Variants in CEP63 observed in about 807,000 individuals in gnomAD.
The protein encoded by CEP63 is centrosomal protein of 63 kDa.
A neutral mutation model predicts 89.1 loss-of-function variants in CEP63; 84 were observed. The observed-to-expected ratio is 0.94, with a 90% CI of 0.79 to 1.13. The LOEUF (loss-of-function observed/expected upper bound fraction) is 1.13, where lower values mean the gene tolerates loss of function less well. Ranked by LOEUF, CEP63 falls within the 50% of genes most tolerant of loss-of-function variation. CEP63 has a pLI of 0.00. For synonymous variants in CEP63, 267 were observed against 272.5 expected (o/e 0.98, Z 0.20); for missense variants, 838 against 813.3 (o/e 1.03, Z -0.37).
chr3:134,720,035 T>C, the CEP63 span, among the ~76,000 whole-genome samples: 1 of 152,178 alleles, frequency 6.6e-6, no homozygotes, highest in Non-Finnish European at 1.5e-5. Context: ...TTTATCGTTT[T>C]GAGGAACAAA....
chr3:134,699,442 G>A, the CEP63 span, among the ~76,000 whole-genome samples: 1 of 152,208 alleles, frequency 6.6e-6, no homozygotes, highest in Non-Finnish European at 1.5e-5. Flanking sequence ...CAAGCGGCTA[G>A]CCTTGGGCAA....
At chr3:134,510,660 C>G (rs1944635289) in intron 3 of CEP63, 3 of 639,640 alleles carry the variant, frequency 4.7e-6, no homozygotes, top group Non-Finnish European at 8.7e-6. Flanking sequence ...TCCCTTCTTG[C>G]ATTTCTGGAG....
the CEP63 span, among the ~76,000 whole-genome samples, chr3:134,594,798 C>T: frequency 3.9e-5 from 6 of 152,342 alleles, no homozygotes; most frequent in East Asian, 9.6e-4. Flanking sequence ...TTACTGATCA[C>T]TTATTCTAAA....
At chr3:134,671,447 C>T in the CEP63 span, among the ~76,000 whole-genome samples, 1 of 152,044 alleles carries the variant, frequency 6.6e-6, no homozygotes, top group African/African-American at 2.4e-5. Context: ...CTGCAATATA[C>T]CCATGTAACA....
At chr3:134,560,716 C>G (rs1041630203) in intron 14 of CEP63, among the ~76,000 whole-genome samples, 2 of 152,002 alleles carry the variant, frequency 1.3e-5, no homozygotes, top group African/African-American at 4.8e-5. Flanking sequence ...GGATTATGCT[C>G]TCTGTGTGGG....
chr3:134,622,219 C>T, the CEP63 span, among the ~76,000 whole-genome samples: 1 of 152,080 alleles, frequency 6.6e-6, no homozygotes, highest in Non-Finnish European at 1.5e-5. Flanking sequence ...AGGTACGCAA[C>T]CAAAAAAACC....
the CEP63 span, among the ~76,000 whole-genome samples, chr3:134,638,907 GGT>G: frequency 0.61 from 92,642 of 151,720 alleles, 28,877 homozygotes; most frequent in East Asian, 0.85. Context: ...AAGACTGTCA[GGT>G]GTGTGTGTGT....
chr3:134,564,432 C>T lies in CEP63; in HGVS notation c.*2897C>T, dbSNP rs1217168409. 1 of 985,354 alleles carries T rather than the reference C, an allele frequency of 1.0e-6. No individual in the cohort carries two copies. 61.0% of individuals were successfully genotyped at this position (985,354 alleles called of 1,614,324 possible). On this transcript the variant is annotated 3_prime_UTR_variant, in exon 15 of 15. Coordinates refer to ENST00000675561, the MANE Select transcript of CEP63 (RefSeq NM_001353108.3). ...ACCCATGTCAGGGAACGTTTCTCCT[C>T]ATTGCTGTCATGGCACCCTGTGTGT...
the CEP63 span, among the ~76,000 whole-genome samples, chr3:134,668,682 C>T: frequency 1.3e-5 from 2 of 152,162 alleles, no homozygotes; most frequent in Non-Finnish European, 2.9e-5. Flanking sequence ...GATAAAATCA[C>T]TTATATTTTT....
At chr3:134,694,873 C>T in the CEP63 span, among the ~76,000 whole-genome samples, 2 of 152,112 alleles carry the variant, frequency 1.3e-5, no homozygotes, top group Non-Finnish European at 2.9e-5. Context: ...GAGAACCAAG[C>T]GTTTGCTGTG....
At chr3:134,649,766 C>T in the CEP63 span, among the ~76,000 whole-genome samples, 1 of 152,206 alleles carries the variant, frequency 6.6e-6, no homozygotes, top group Admixed American at 6.5e-5. Flanking sequence ...CTGGTAGTGG[C>T]AAGGCCATCC....
At chr3:134,558,890 A>T (rs1956791196) in intron 13 of CEP63, among the ~76,000 whole-genome samples, 1 of 152,134 alleles carries the variant, frequency 6.6e-6, no homozygotes, top group Non-Finnish European at 1.5e-5. Flanking sequence ...TCCCAGCACT[A>T]ACCACACTAG....
At chr3:134,683,293 C>G in the CEP63 span, among the ~76,000 whole-genome samples, 1 of 152,102 alleles carries the variant, frequency 6.6e-6, no homozygotes, top group East Asian at 1.9e-4. Flanking sequence ...AGTTTTGTAT[C>G]TAATTCTGTG....
Position 134,546,451 on chromosome 3 carries a change from G to C in CEP63, c.929+163G>C, listed in dbSNP as rs111445863. Among the ~76,000 whole-genome samples, 252 of 152,078 alleles carry C rather than the reference G, an allele frequency of 1.7e-3. 1 individual carries two copies. Among genetic ancestry groups the C allele is most frequent in the African/African-American group, 5.9e-3 (243 of 41,464 alleles). ...TCAGCTCACTGCAACCTCAACCTCC[G>C]AGGTTCAAGCCATTCTCCAGGCTCA... is the stretch of plus-strand genomic sequence containing the variant. On this transcript the variant is annotated intron_variant, in intron 8 of 14. Transcript: ENST00000675561.
At chr3:134,663,744 T>C in the CEP63 span, among the ~76,000 whole-genome samples, 52 of 152,034 alleles carry the variant, frequency 3.4e-4, no homozygotes, top group African/African-American at 1.1e-3. Flanking sequence ...ATGGGGAGAG[T>C]GGCTGCACCA....
the CEP63 span, among the ~76,000 whole-genome samples, chr3:134,671,696 C>T: frequency 0.61 from 93,083 of 152,072 alleles, 29,569 homozygotes; most frequent in East Asian, 0.93. Context: ...CAAAAAGCTG[C>T]AGGAGTGTCT....
At chr3:134,782,482 A>T in the CEP63 span, among the ~76,000 whole-genome samples, 1 of 152,174 alleles carries the variant, frequency 6.6e-6, no homozygotes, top group Non-Finnish European at 1.5e-5. Context: ...CTACTGTTTT[A>T]AAGTTTTACT....
intron 9 of CEP63, 56 bp downstream of exon 9, chr3:134,547,528 T>C: frequency 6.8e-7 from 1 of 1,474,218 alleles, no homozygotes; most frequent in Non-Finnish European, 9.4e-7. Flanking sequence ...GAATTTTTGA[T>C]CATCATATTG....
chr3:134,568,817 T>C (rs1560070965), downstream of CEP63, among the ~76,000 whole-genome samples: 1 of 152,202 alleles, frequency 6.6e-6, no homozygotes, highest in African/African-American at 2.4e-5. Context: ...CCAAAATATT[T>C]GAAGTATTAA....
Sources: allele counts gnomAD v4.1 joint callset (sites outside exome capture counted in the v4.1 genomes callset), GRCh38; gene constraint gnomAD v4.1.1; transcripts MANE v1.5; gene names NCBI Gene and HGNC (gene_info 2026-07-23, HGNC 2026-07-21).